KLHL22: variants seen among roughly 807,000 people sequenced by gnomAD.
KLHL22 encodes the protein kelch like family member 22.
In KLHL22, 18 loss-of-function variants were observed where a neutral mutation model predicts 60.7. The ratio of observed to expected loss-of-function variants is 0.30; its 90% CI spans 0.20 to 0.44. KLHL22 has a LOEUF of 0.44. Ranked by LOEUF, KLHL22 falls within the 20% of genes least tolerant of loss-of-function variation. KLHL22 has a pLI of 1.00. For synonymous variants in KLHL22, 355 were observed against 354.5 expected (o/e 1.00, Z -0.01); for missense variants, 596 against 852.3 (o/e 0.70, Z 3.74).
chr22:20,483,681 T>A, intron 2 of KLHL22: 1 of 733,208 alleles, frequency 1.4e-6, no homozygotes, highest in Non-Finnish European at 2.5e-6. Context: ...CCACAGTATT[T>A]GCAAAGATCT....
chr22:20,448,688 C>T (rs797003947), intron 5 of KLHL22, among the ~76,000 whole-genome samples: 120 of 152,226 alleles, frequency 7.9e-4, no homozygotes, highest in African/African-American at 2.8e-3. Flanking sequence ...CCTCAGCCTC[C>T]GGAGTAGCTG....
chr22:20,466,484 C>T (rs2053238998), intron 3 of KLHL22, among the ~76,000 whole-genome samples: 1 of 151,842 alleles, frequency 6.6e-6, no homozygotes, highest in Non-Finnish European at 1.5e-5. Context: ...CTAAGACCAT[C>T]CCCATCCCTA....
intron 4 of KLHL22, among the ~76,000 whole-genome samples, chr22:20,458,445 A>ATTTTTTT (rs938534970): frequency 2.2e-4 from 20 of 90,450 alleles, no homozygotes; most frequent in Non-Finnish European, 3.7e-4. Context: ...AACGCCCGCT[A>ATTTTTTT]TTTTTTTTTT....
intron 1 of KLHL22, chr22:20,493,125 C>T (rs1394676921): frequency 4.2e-6 from 2 of 470,940 alleles, no homozygotes; most frequent in Non-Finnish European, 4.4e-6. Flanking sequence ...CAATAGACAT[C>T]AAGCCCCCAG....
At chr22:20,488,882 C>A (rs1471514703) in intron 2 of KLHL22, 103 bp downstream of exon 2, 1 of 1,097,002 alleles carries the variant, frequency 9.1e-7, no homozygotes, top group Non-Finnish European at 1.3e-6. Flanking sequence ...AGGGGAGGCT[C>A]TGAGGTGAGC....
intron 4 of KLHL22, among the ~76,000 whole-genome samples, chr22:20,464,269 T>C (rs2053196734): frequency 6.6e-6 from 1 of 152,228 alleles, no homozygotes; most frequent in Non-Finnish European, 1.5e-5. Flanking sequence ...CGTGGCAGAC[T>C]GCAGGGCAGA....
At chr22:20,450,723 T>C in intron 5 of KLHL22, 11 of 1,367,462 alleles carry the variant, frequency 8.0e-6, no homozygotes, top group Non-Finnish European at 1.2e-5. Context: ...CTGTCATCAG[T>C]TGGGTGAAGC....
chr22:20,459,236 T>C (rs1049034910), intron 4 of KLHL22, among the ~76,000 whole-genome samples: 2 of 152,126 alleles, frequency 1.3e-5, no homozygotes, highest in African/African-American at 4.8e-5. Flanking sequence ...CACAAGAGAG[T>C]AACCAAAGTT....
At chr22:20,462,497 A>G (rs527358695) in intron 4 of KLHL22, among the ~76,000 whole-genome samples, 1 of 151,566 alleles carries the variant, frequency 6.6e-6, no homozygotes, top group East Asian at 1.9e-4. Flanking sequence ...CAGGGCTGCA[A>G]GCACGTACCA....
intron 2 of KLHL22, among the ~76,000 whole-genome samples, chr22:20,476,545 C>G (rs576714035): frequency 1.3e-5 from 2 of 149,070 alleles, no homozygotes; most frequent in African/African-American, 5.0e-5. Flanking sequence ...TCCCGAGTAG[C>G]TGGGACTACA....
intron 5 of KLHL22, among the ~76,000 whole-genome samples, chr22:20,455,009 G>A (rs940295724): frequency 1.3e-5 from 2 of 152,158 alleles, no homozygotes; most frequent in Admixed American, 6.5e-5. Flanking sequence ...AGCCTCCTGA[G>A]TAGCTGGGAC....
At chr22:20,474,537 C>T (rs1335433849) in intron 2 of KLHL22, among the ~76,000 whole-genome samples, 1 of 152,042 alleles carries the variant, frequency 6.6e-6, no homozygotes, top group East Asian at 1.9e-4. Context: ...GATTACAGTC[C>T]TGCGCCACCA....
intron 5 of KLHL22, chr22:20,451,389 C>G: frequency 6.2e-7 from 1 of 1,611,590 alleles, no homozygotes. Flanking sequence ...TCGTAGTGGC[C>G]AGTGGAGTGA....
chr22:20,470,827 G>GATGGATGGATGC (rs1423348774), intron 3 of KLHL22, among the ~76,000 whole-genome samples: 80 of 142,638 alleles, frequency 5.6e-4, no homozygotes, highest in African/African-American at 2.0e-3. Flanking sequence ...TGGATGGATG[G>GATGGATGGATGC]ATGCATGCAT....
intron 2 of KLHL22, chr22:20,484,112 C>T (rs1171376771): frequency 9.5e-6 from 8 of 844,254 alleles, no homozygotes; most frequent in East Asian, 2.9e-5. Context: ...TCATGCTGTC[C>T]GGGGAGGAGA....
intron 2 of KLHL22, among the ~76,000 whole-genome samples, chr22:20,476,665 G>A (rs1475033097): frequency 6.7e-6 from 1 of 150,154 alleles, no homozygotes; most frequent in Non-Finnish European, 1.5e-5. Flanking sequence ...CGCCCGCCTC[G>A]GCCTCCCAAA....
chr22:20,484,079 G>T, intron 2 of KLHL22: 1 of 981,942 alleles, frequency 1.0e-6, no homozygotes, highest in South Asian at 1.3e-5. Context: ...AGTTGGTGGA[G>T]AAGGTAGAGC....
At chr22:20,458,046 G>A in intron 4 of KLHL22, 46 bp from the exon 5 acceptor site, 1 of 1,600,932 alleles carries the variant, frequency 6.2e-7, no homozygotes, top group South Asian at 1.1e-5. Flanking sequence ...AGGCAGGGAG[G>A]CTGCTCCGCA....
At chr22:20,484,156 C>CT (rs2053549917) in intron 2 of KLHL22, 1 of 614,232 alleles carries the variant, frequency 1.6e-6, no homozygotes, top group Non-Finnish European at 3.1e-6. Flanking sequence ...TGCTGATGAC[C>CT]TAATTTTTGT....
Sources: gnomAD v4.1 joint callset for allele counts (sites outside exome capture counted in the v4.1 genomes callset) on GRCh38, gnomAD v4.1.1 for gene constraint, MANE v1.5 for transcripts, NCBI Gene and HGNC (gene_info 2026-07-23, HGNC 2026-07-21) for gene names.